Variants in ZNF385D observed in about 807,000 individuals in gnomAD.
ZNF385D encodes the protein zinc finger protein 659.
Under a neutral mutation model 35.8 loss-of-function variants are expected in ZNF385D, and 15 were observed. The ratio of observed to expected loss-of-function variants is 0.42; its 90% CI spans 0.28 to 0.64. The LOEUF (loss-of-function observed/expected upper bound fraction) is 0.64. Ranked by LOEUF, ZNF385D falls within the 30% of genes least tolerant of loss-of-function variation. The pLI, the probability that ZNF385D is intolerant of heterozygous loss-of-function variation, is 0.23. For missense variants in ZNF385D, 474 were observed against 494.6 expected, an observed-to-expected ratio of 0.96 and a Z score of 0.39; for synonymous variants, 212 against 186.8, an observed-to-expected ratio of 1.13 and a Z score of -1.10.
At chr3:21,932,736 G>A (rs1291610166) in intron 3 of ZNF385D, among the ~76,000 whole-genome samples, 1 of 151,994 alleles carries the variant, frequency 6.6e-6, no homozygotes, top group Non-Finnish European at 1.5e-5. Context: ...TAGGTGAACA[G>A]ATTCTAAAAA....
At chr3:21,570,310 G>A (rs2063296882) in intron 2 of ZNF385D, among the ~76,000 whole-genome samples, 1 of 152,068 alleles carries the variant, frequency 6.6e-6, no homozygotes, top group African/African-American at 2.4e-5. Context: ...TCCCCTCTGG[G>A]GATTCTGTTA....
chr3:22,097,817 T>C (rs1701712065), intron 3 of ZNF385D, among the ~76,000 whole-genome samples: 1 of 152,048 alleles, frequency 6.6e-6, no homozygotes, highest in Non-Finnish European at 1.5e-5. Context: ...TCTGTCTAGA[T>C]ACCCCTTAAA....
intron 3 of ZNF385D, among the ~76,000 whole-genome samples, chr3:22,049,603 G>C (rs1699220224): frequency 6.6e-6 from 1 of 152,114 alleles, no homozygotes; most frequent in Non-Finnish European, 1.5e-5. Flanking sequence ...CCTAATCTTA[G>C]AGGAAAAGCT....
At chr3:21,878,502 T>A (rs1332273163) in intron 3 of ZNF385D, among the ~76,000 whole-genome samples, 1 of 150,458 alleles carries the variant, frequency 6.6e-6, no homozygotes, top group Non-Finnish European at 1.5e-5. Flanking sequence ...GAAAATCTAT[T>A]TTGTGTTTTC....
At chr3:22,355,450 C>G (rs1028075476) in intron 2 of ZNF385D, among the ~76,000 whole-genome samples, 3 of 151,824 alleles carry the variant, frequency 2.0e-5, no homozygotes, top group African/African-American at 7.3e-5. Context: ...AGGAAAATAA[C>G]AACGTATGAT....
At chr3:21,882,845 C>G (rs1378881621) in intron 3 of ZNF385D, among the ~76,000 whole-genome samples, 1 of 151,948 alleles carries the variant, frequency 6.6e-6, no homozygotes, top group Non-Finnish European at 1.5e-5. Context: ...TACTTGAGCA[C>G]TTTCCCAGTT....
intron 3 of ZNF385D, among the ~76,000 whole-genome samples, chr3:21,977,705 G>A (rs976808301): frequency 6.6e-6 from 1 of 151,812 alleles, no homozygotes; most frequent in Non-Finnish European, 1.5e-5. Flanking sequence ...GGCATGGTGG[G>A]GCTGTCTATG....
At chr3:21,933,977 T>C (rs529943121) in intron 3 of ZNF385D, among the ~76,000 whole-genome samples, 49 of 150,824 alleles carry the variant, frequency 3.2e-4, no homozygotes, top group Non-Finnish European at 6.3e-4. Context: ...AATTAGTCAC[T>C]ATTATTTACA....
chr3:22,136,993 G>C (rs1363955721), intron 3 of ZNF385D, among the ~76,000 whole-genome samples: 2 of 152,170 alleles, frequency 1.3e-5, no homozygotes, highest in Non-Finnish European at 2.9e-5. Context: ...ATATGATCAT[G>C]TAGTGGTGGA....
At chr3:21,970,641 GATT>G (rs1703190568) in intron 3 of ZNF385D, among the ~76,000 whole-genome samples, 1 of 151,862 alleles carries the variant, frequency 6.6e-6, no homozygotes, top group South Asian at 2.1e-4. Context: ...GAGGTAGAAA[GATT>G]ATTCAAAAAC....
At chr3:22,146,816 G>A (rs1460635901) in intron 3 of ZNF385D, among the ~76,000 whole-genome samples, 1 of 152,088 alleles carries the variant, frequency 6.6e-6, no homozygotes, top group South Asian at 2.1e-4. Flanking sequence ...ACACTTTGAT[G>A]ATACTCTTAT....
At chr3:22,216,815 G>A (rs1697917887) in intron 2 of ZNF385D, among the ~76,000 whole-genome samples, 1 of 152,080 alleles carries the variant, frequency 6.6e-6, no homozygotes, top group Non-Finnish European at 1.5e-5. Context: ...ATTATTGGCA[G>A]TGATGTGTGG....
At chr3:21,973,584 G>C (rs938950389) in intron 3 of ZNF385D, among the ~76,000 whole-genome samples, 2 of 151,792 alleles carry the variant, frequency 1.3e-5, no homozygotes, top group African/African-American at 4.8e-5. Flanking sequence ...TAGGAGAAGA[G>C]AAAGAAATAA....
intron 3 of ZNF385D, among the ~76,000 whole-genome samples, chr3:22,165,183 G>A (rs1459026927): frequency 6.6e-6 from 1 of 152,196 alleles, no homozygotes; most frequent in African/African-American, 2.4e-5. Flanking sequence ...TGTTGATGTA[G>A]GTTAATCAGT....
At chr3:21,619,520 C>G (rs2064943967) in intron 2 of ZNF385D, among the ~76,000 whole-genome samples, 1 of 151,974 alleles carries the variant, frequency 6.6e-6, no homozygotes, top group Admixed American at 6.6e-5. Context: ...ATTCATAACC[C>G]ATTATCCAAC....
intron 2 of ZNF385D, among the ~76,000 whole-genome samples, chr3:21,607,648 G>A (rs1240563304): frequency 2.0e-5 from 3 of 152,094 alleles, no homozygotes; most frequent in Non-Finnish European, 4.4e-5. Flanking sequence ...GTATATCTGT[G>A]TTTTGCAGAT....
chr3:22,176,833 G>A (rs1028771071), intron 2 of ZNF385D, among the ~76,000 whole-genome samples: 4 of 151,814 alleles, frequency 2.6e-5, no homozygotes, highest in Non-Finnish European at 1.5e-5. Flanking sequence ...GTTTAACCTC[G>A]AAAATAAAAA....
rs113022770 is a variant in ZNF385D, at chr3:21,670,650, G to T, written c.23-5622C>A. 9.4e-3 allele frequency among the ~76,000 whole-genome samples: 38 copies of T among 4,042 alleles called. 9 individuals are homozygous for T. The highest frequency in any genetic ancestry group is 0.034 in the African/African-American group (32 of 936). 2.7% of individuals were successfully genotyped at this position (4,042 alleles called of 152,430 possible). A position where few individuals can be genotyped will look rare whatever the true frequency, so the allele number is the denominator to read the frequency against. On this transcript the variant is annotated intron_variant, in intron 1 of 7. Coordinates refer to ENST00000281523, the MANE Select transcript of ZNF385D (RefSeq NM_024697.3). Reference sequence around the variant, plus strand: ...AGAAATAAAAATGAAATCCTAAGGCGCCCCCCCCCCCCCCCCCCCCCCCAA... The same window carrying T: ...AGAAATAAAAATGAAATCCTAAGGCTCCCCCCCCCCCCCCCCCCCCCCCAA...
At chr3:21,886,620 A>G (rs1401133027) in intron 3 of ZNF385D, among the ~76,000 whole-genome samples, 1 of 152,102 alleles carries the variant, frequency 6.6e-6, no homozygotes, top group East Asian at 1.9e-4. Context: ...GAATCTTAAA[A>G]TGCTACATTG....
Sources: allele counts gnomAD v4.1 joint callset (sites outside exome capture counted in the v4.1 genomes callset), GRCh38; gene constraint gnomAD v4.1.1; transcripts MANE v1.5; gene names NCBI Gene and HGNC (gene_info 2026-07-23, HGNC 2026-07-21).